Variants in CDS1 observed in about 807,000 individuals in gnomAD.
CDS1 encodes the protein phosphatidate cytidylyltransferase 1.
In CDS1, 41 loss-of-function variants were observed where a neutral mutation model predicts 62.1. That is an observed-to-expected ratio of 0.66 (90% CI 0.51 to 0.86). The LOEUF (loss-of-function observed/expected upper bound fraction) is 0.86, where lower values mean the gene tolerates loss of function less well. Among genes scored for constraint, CDS1 ranks in the 40% least tolerant of loss-of-function variants. CDS1 has a pLI of 0.00. For synonymous variants in CDS1, 185 were observed against 192.6 expected, an observed-to-expected ratio of 0.96 and a Z score of 0.32; for missense variants, 470 against 550.1, an observed-to-expected ratio of 0.85 and a Z score of 1.46.
At chr4:84,592,262 C>A (rs1722615470) in intron 1 of CDS1, among the ~76,000 whole-genome samples, 1 of 150,910 alleles carries the variant, frequency 6.6e-6, no homozygotes, top group Non-Finnish European at 1.5e-5. Context: ...CTCCCCCGCT[C>A]CCCGTTTCAA....
chr4:84,639,472 G>A (rs1441236147), intron 9 of CDS1, among the ~76,000 whole-genome samples: 1 of 152,164 alleles, frequency 6.6e-6, no homozygotes, highest in East Asian at 1.9e-4. Flanking sequence ...TGCAGAAACA[G>A]TCTAACTATA....
rs554281927 is a variant in CDS1 at position 84,589,786 on chromosome 4, G to A, written c.117+6268G>A. Among the ~76,000 whole-genome samples the A allele has an allele frequency of 7.9e-5, 12 of 152,196 alleles. 1 individual carries two copies. The East Asian group carries it at 2.1e-3, about 27-fold the overall frequency. ...CAAGTTGTAACGTATTTGAGAATTGGAAGTTTGGTTTAAGGCAGGTCTTTT... is the reference window on the plus strand; with the variant it reads ...CAAGTTGTAACGTATTTGAGAATTGAAAGTTTGGTTTAAGGCAGGTCTTTT... On this transcript the variant is annotated intron_variant, in intron 1 of 12. Coordinates refer to ENST00000295887, the MANE Select transcript of CDS1 (RefSeq NM_001263.4).
chr4:84,610,660 A>C (rs1310756640), intron 3 of CDS1, among the ~76,000 whole-genome samples: 2 of 152,194 alleles, frequency 1.3e-5, no homozygotes, highest in Non-Finnish European at 2.9e-5. Context: ...CCACCTGATG[A>C]CATTTTGGTC....
At chr4:84,599,928 T>C (rs893018082) in intron 1 of CDS1, among the ~76,000 whole-genome samples, 1 of 152,086 alleles carries the variant, frequency 6.6e-6, no homozygotes, top group Non-Finnish European at 1.5e-5. Context: ...CAGTTGTTGG[T>C]TGTATATGTA....
chr4:84,619,008 A>G (rs559493403), intron 4 of CDS1, among the ~76,000 whole-genome samples: 1 of 151,886 alleles, frequency 6.6e-6, no homozygotes, highest in South Asian at 2.1e-4. Context: ...ACACAAACAT[A>G]CACACATTAT....
intron 1 of CDS1, among the ~76,000 whole-genome samples, chr4:84,598,795 A>C (rs1236851983): frequency 6.6e-6 from 1 of 152,000 alleles, no homozygotes; most frequent in Non-Finnish European, 1.5e-5. Context: ...CTGACATAAT[A>C]GTTGTATATG....
At chr4:84,600,225 G>A (rs896536539) in intron 1 of CDS1, among the ~76,000 whole-genome samples, 1 of 152,004 alleles carries the variant, frequency 6.6e-6, no homozygotes, top group African/African-American at 2.4e-5. Flanking sequence ...TTGTTTCCTT[G>A]TCGAATTTTG....
At position 84,583,388 on chromosome 4, in the gene CDS1, CGCGGGA is replaced by C; in HGVS notation, c.-9_-4del. 6.3e-7 allele frequency: 1 copy of C among 1,582,810 alleles called. No individual in the cohort carries two copies. Among genetic ancestry groups the C allele is most frequent in the Non-Finnish European group, 8.6e-7 (1 of 1,157,368 alleles). On this transcript the variant is annotated 5_prime_UTR_variant, in exon 1 of 13. Coordinates refer to ENST00000295887, the MANE Select transcript of CDS1 (RefSeq NM_001263.4). ...GTGCTTGAGGAGGCCGCCACGGCAG[CGCGGGA>C]GCGGAAGATGTTGGAGCTGAGGCAC...
At position 84,643,155 on chromosome 4, in the gene CDS1, G is replaced by C. The variant is rs759298333; in HGVS notation, c.1152+12G>C. On this transcript the variant is annotated intron_variant, in intron 11 of 12. Transcript: ENST00000295887. The stretch of plus-strand genomic sequence containing the variant: ...CCTTCAAAATCAAGGTGTGTGTTTA[G>C]ATTCTTTGTTATATTATTAGAGAAT... 3 of 1,610,842 alleles carry C rather than the reference G, an allele frequency of 1.9e-6. No individual in the cohort carries two copies. The highest frequency in any genetic ancestry group is 2.2e-5 in the South Asian group (2 of 90,368).
intron 2 of CDS1, 122 bp from the exon 3 acceptor site, chr4:84,609,307 T>C (rs1452177023): frequency 1.0e-5 from 6 of 583,082 alleles, no homozygotes; most frequent in East Asian, 8.5e-5. Context: ...TTGTTTGTTA[T>C]ATAAAGTGAA....
At chr4:84,632,969 T>A (rs1369166267) in intron 6 of CDS1, among the ~76,000 whole-genome samples, 2 of 151,980 alleles carry the variant, frequency 1.3e-5, no homozygotes. Flanking sequence ...ACAAAGAATA[T>A]GAAAATTAAC....
chr4:84,633,929 G>T lies in CDS1; in HGVS notation c.712G>T (p.Gly238Cys). Residue 238 changes from glycine (G) to cysteine (C), a missense_variant, in exon 7 of 13, where the codon GGC becomes TGC. Gly to Cys is a radical substitution (Grantham distance 159, BLOSUM62 -3). This residue lies in a region of CDS1 where 214 missense variants were observed against 242.4 expected (regional missense o/e 0.88). Coordinates refer to ENST00000295887, the MANE Select transcript of CDS1 (RefSeq NM_001263.4). ...SHLVIQNLFEGMIWFLVPISS... is the reference protein window; with the variant it reads ...SHLVIQNLFECMIWFLVPISS... ...CCTTGTCATCCAAAATCTGTTTGAAGGCATGATATGGTAAGGCAACAGAAT... is the reference window on the plus strand; with the variant it reads ...CCTTGTCATCCAAAATCTGTTTGAATGCATGATATGGTAAGGCAACAGAAT... The T allele has an allele frequency of 6.3e-7, 1 of 1,597,218 alleles. No individual in the cohort carries two copies. The highest frequency in any genetic ancestry group is 1.1e-5 in the South Asian group (1 of 89,750).
intron 2 of CDS1, among the ~76,000 whole-genome samples, chr4:84,609,050 G>A (rs923217436): frequency 2.0e-5 from 3 of 151,684 alleles, no homozygotes; most frequent in Non-Finnish European, 2.9e-5. Context: ...GTGGTGGCGG[G>A]CACCTGTGGT....
At chr4:84,603,645 A>G (rs1723003511) in intron 1 of CDS1, among the ~76,000 whole-genome samples, 1 of 152,216 alleles carries the variant, frequency 6.6e-6, no homozygotes. Context: ...CTGTACATGC[A>G]CTCAGAAGTC....
intron 8 of CDS1, among the ~76,000 whole-genome samples, chr4:84,635,654 CCTT>C (rs1307991555): frequency 1.4e-3 from 171 of 121,042 alleles, no homozygotes; most frequent in African/African-American, 5.3e-3. Context: ...TTCCTTCCTT[CCTT>C]CCTTCCTTCC....
chr4:84,633,123 C>G (rs1324060750), intron 6 of CDS1, among the ~76,000 whole-genome samples: 1 of 152,148 alleles, frequency 6.6e-6, no homozygotes, highest in Admixed American at 6.5e-5. Context: ...GACCCTATCT[C>G]AAGGGTGGGG....
At chr4:84,615,041 A>T (rs2148645344) in intron 3 of CDS1, among the ~76,000 whole-genome samples, 1 of 152,266 alleles carries the variant, frequency 6.6e-6, no homozygotes, top group East Asian at 1.9e-4. Context: ...TAATTCGTGG[A>T]GCAGGTGCTG....
At chr4:84,592,187 A>T (rs1355288771) in intron 1 of CDS1, among the ~76,000 whole-genome samples, 1 of 87,272 alleles carries the variant, frequency 1.1e-5, no homozygotes, top group Non-Finnish European at 2.1e-5. Context: ...TTTTTGAGGC[A>T]GAGTCTCACT....
At chr4:84,629,175 T>A (rs1017491238) in intron 5 of CDS1, among the ~76,000 whole-genome samples, 1 of 152,224 alleles carries the variant, frequency 6.6e-6, no homozygotes, top group African/African-American at 2.4e-5. Context: ...AACATATAAA[T>A]GTATTTTTAA....
Sources: gnomAD v4.1 joint callset for allele counts (sites outside exome capture counted in the v4.1 genomes callset) on GRCh38, gnomAD v4.1.1 for gene constraint, gnomAD v4.1.1 regional missense constraint, MANE v1.5 for transcripts, NCBI Gene and HGNC (gene_info 2026-07-23, HGNC 2026-07-21) for gene names.